SGCZ: variants seen among roughly 807,000 people sequenced by gnomAD.
SGCZ encodes the protein sarcoglycan zeta, also known as zeta-sarcoglycan.
Under a neutral mutation model 41.3 loss-of-function variants are expected in SGCZ, and 40 were observed. The observed-to-expected ratio is 0.97, with a 90% confidence interval of 0.75 to 1.26. The LOEUF (loss-of-function observed/expected upper bound fraction) is 1.26. SGCZ is among the 50% of genes most tolerant of loss of function. The pLI is 0.00. For synonymous variants in SGCZ, 206 were observed against 137.5 expected, an observed-to-expected ratio of 1.50 and a Z score of -3.49; for missense variants, 552 against 369.8, an observed-to-expected ratio of 1.49 and a Z score of -4.04.
At chr8:14,944,877 G>T (rs916803779) in intron 1 of SGCZ, among the ~76,000 whole-genome samples, 9 of 152,090 alleles carry the variant, frequency 5.9e-5, no homozygotes, top group African/African-American at 2.2e-4. Flanking sequence ...ATTGTAAGTT[G>T]ACAATTATCT....
At chr8:14,119,820 C>T (rs560766914) in intron 5 of SGCZ, among the ~76,000 whole-genome samples, 13 of 152,140 alleles carry the variant, frequency 8.5e-5, no homozygotes, top group South Asian at 2.1e-4. Flanking sequence ...TTTAGATAAT[C>T]GTGTGGTTTT....
intron 2 of SGCZ, among the ~76,000 whole-genome samples, chr8:14,416,967 G>A (rs1040602824): frequency 1.3e-5 from 2 of 151,792 alleles, no homozygotes; most frequent in Admixed American, 6.6e-5. Context: ...CCAACATAAG[G>A]CAGGGTTATG....
At chr8:14,765,947 C>G (rs1221722044) in intron 1 of SGCZ, among the ~76,000 whole-genome samples, 1 of 149,964 alleles carries the variant, frequency 6.7e-6, no homozygotes, top group African/African-American at 2.4e-5. Flanking sequence ...ATTTATGGAA[C>G]AACTCTTGCA....
intron 1 of SGCZ, among the ~76,000 whole-genome samples, chr8:14,748,285 C>G (rs1458880682): frequency 2.0e-5 from 3 of 152,088 alleles, no homozygotes; most frequent in South Asian, 2.1e-4. Context: ...AGAATTCAGA[C>G]CCAAGTTGGC....
chr8:14,987,190 G>A (rs1178988956), intron 1 of SGCZ, among the ~76,000 whole-genome samples: 1 of 151,692 alleles, frequency 6.6e-6, no homozygotes, highest in Non-Finnish European at 1.5e-5. Context: ...GCATATTTAA[G>A]TATTATAAAA....
At chr8:14,545,221 G>C (rs1803588588) in intron 2 of SGCZ, among the ~76,000 whole-genome samples, 1 of 152,078 alleles carries the variant, frequency 6.6e-6, no homozygotes, top group African/African-American at 2.4e-5. Flanking sequence ...ATAAATGGTA[G>C]AAATACTTAT....
At chr8:14,277,706 C>G (rs573636030) in intron 3 of SGCZ, among the ~76,000 whole-genome samples, 2 of 152,098 alleles carry the variant, frequency 1.3e-5, no homozygotes, top group Non-Finnish European at 2.9e-5. Context: ...ATTGGCAAGA[C>G]ATAGAAGCTG....
chr8:14,426,034 C>A (rs1272324432), intron 2 of SGCZ, among the ~76,000 whole-genome samples: 7 of 152,120 alleles, frequency 4.6e-5, no homozygotes, highest in Middle Eastern at 3.4e-3. Flanking sequence ...TTAATCCATA[C>A]AAGAATTCAT....
chr8:14,835,590 G>A (rs565214839), intron 1 of SGCZ, among the ~76,000 whole-genome samples: 4 of 152,240 alleles, frequency 2.6e-5, no homozygotes, highest in Non-Finnish European at 5.9e-5. Flanking sequence ...TGTTAAATAA[G>A]GCTGGGCCCA....
At chr8:15,192,550 G>A (rs935563671) in intron 1 of SGCZ, among the ~76,000 whole-genome samples, 1 of 152,036 alleles carries the variant, frequency 6.6e-6, no homozygotes, top group Non-Finnish European at 1.5e-5. Context: ...TTGAAATTTG[G>A]ATTTCCAATT....
At chr8:14,117,492 G>A (rs951125458) in intron 5 of SGCZ, among the ~76,000 whole-genome samples, 1 of 151,416 alleles carries the variant, frequency 6.6e-6, no homozygotes, top group African/African-American at 2.4e-5. Flanking sequence ...GTGTGTGTGT[G>A]TGTGTATGTG....
intron 1 of SGCZ, among the ~76,000 whole-genome samples, chr8:14,569,207 G>C (rs1347303280): frequency 1.3e-5 from 2 of 152,170 alleles, no homozygotes; most frequent in African/African-American, 4.8e-5. Context: ...TGGTTTCACT[G>C]ATTCTGTTGA....
chr8:14,772,051 T>G (rs1279969457), intron 1 of SGCZ, among the ~76,000 whole-genome samples: 1 of 152,160 alleles, frequency 6.6e-6, no homozygotes, highest in Non-Finnish European at 1.5e-5. Context: ...AACTGTACTT[T>G]GAGCATCCAT....
intron 1 of SGCZ, among the ~76,000 whole-genome samples, chr8:14,725,637 T>TA (rs1230312046): frequency 6.6e-6 from 1 of 152,192 alleles, no homozygotes; most frequent in African/African-American, 2.4e-5. Flanking sequence ...GAACATTTTT[T>TA]AAAAATCACT....
At chr8:14,348,508 C>G (rs1045640891) in intron 2 of SGCZ, among the ~76,000 whole-genome samples, 1 of 152,192 alleles carries the variant, frequency 6.6e-6, no homozygotes, top group East Asian at 1.9e-4. Context: ...CGTCTCTAAT[C>G]CCATAGATTG....
Position 14,441,645 on chromosome 8 carries a change from G to T in SGCZ, c.234+113087C>A, listed in dbSNP as rs546406593. Among the ~76,000 whole-genome samples the T allele has an allele frequency of 5.9e-5, 9 of 152,216 alleles. No individual in the cohort carries two copies. In the East Asian group the frequency reaches 1.4e-3, roughly 23 times the overall value. ...CTGGAGTTAGAGTTCTCCTCTCAAG[G>T]CTTTTCAGATTCATATCTCAAGGGT... On this transcript the variant is annotated intron_variant, in intron 2 of 7. Transcript: ENST00000382080.
At chr8:14,353,433 G>C (rs1019345387) in intron 2 of SGCZ, among the ~76,000 whole-genome samples, 4 of 151,796 alleles carry the variant, frequency 2.6e-5, no homozygotes, top group African/African-American at 9.7e-5. Flanking sequence ...TAACTCTTTA[G>C]AACCCAGACC....
chr8:14,545,321 AATAAG>A (rs1803592200), intron 2 of SGCZ, among the ~76,000 whole-genome samples: 1 of 152,176 alleles, frequency 6.6e-6, no homozygotes, highest in Admixed American at 6.5e-5. Context: ...ATTCTTGCCC[AATAAG>A]ATAATTTTTA....
intron 1 of SGCZ, among the ~76,000 whole-genome samples, chr8:14,855,397 C>T (rs763516485): frequency 3.9e-5 from 6 of 152,114 alleles, no homozygotes; most frequent in Non-Finnish European, 7.4e-5. Context: ...ACTTCGTGCT[C>T]ACTATATACC....
Sources: allele counts gnomAD v4.1 joint callset (sites outside exome capture counted in the v4.1 genomes callset), GRCh38; gene constraint gnomAD v4.1.1; transcripts MANE v1.5; gene names NCBI Gene and HGNC (gene_info 2026-07-23, HGNC 2026-07-21).